The following MAEA variants were observed in gnomAD, a reference collection of about 807,000 sequenced individuals.
MAEA encodes macrophage erythroblast attacher, E3 ubiquitin ligase, also known as E3 ubiquitin-protein transferase MAEA.
A neutral mutation model predicts 46.2 loss-of-function variants in MAEA; 22 were observed. The observed-to-expected ratio is 0.48, with a 90% CI of 0.34 to 0.68. MAEA has a LOEUF of 0.68. Ranked by LOEUF, MAEA falls within the 30% of genes least tolerant of loss-of-function variation. The pLI is 0.01. For synonymous variants in MAEA, 246 were observed against 222.6 expected, an observed-to-expected ratio of 1.11 and a Z score of -0.94; for missense variants, 393 against 558.1, an observed-to-expected ratio of 0.70 and a Z score of 2.98.
chr4:1,327,630 T>C lies in MAEA; in HGVS notation c.583T>C (p.Cys195Arg). The C allele has an allele frequency of 6.2e-7, 1 of 1,613,642 alleles. No homozygotes were observed. Among genetic ancestry groups the C allele is most frequent in the Non-Finnish European group, 8.5e-7 (1 of 1,179,700 alleles). ...NKSRLRKMKS[C>R]LEFSLRIQEF... ...CTCGTCTTGTCTTTGCCCTCAGAGC[T>C]GCCTGGAGTTCAGCCTCAGAATCCA... Residue 195 changes from cysteine to arginine, a missense_variant, in exon 5 of 9, where the codon TGC becomes CGC. Coordinates refer to ENST00000303400, the MANE Select transcript of MAEA (RefSeq NM_001017405.3).
Position 1,338,441 on chromosome 4 carries a change from G to A in MAEA, c.919G>A (p.Gly307Ser), listed in dbSNP as rs879253575. ...GCTCAGACAGTGCTACAAGGAGGAC[G>A]GCAGCTCCAAGAGCCCTGACTGCCC... ...IKTPQCYKED[G>S]SSKSPDCPVC... Residue 307 changes from glycine to serine, a missense_variant, in exon 8 of 9, where the codon GGC becomes AGC. Around this residue, in one of 2 missense-constraint regions of MAEA, gnomAD observed 358 missense variants for 537.9 expected, o/e 0.67. Transcript: ENST00000303400. 4 of 1,612,658 alleles carry A rather than the reference G, an allele frequency of 2.5e-6. No individual in the cohort carries two copies. The highest frequency in any genetic ancestry group is 1.3e-5 in the African/African-American group (1 of 75,048).
Position 1,312,003 on chromosome 4 carries a change from C to G in MAEA, c.94C>G (p.Arg32Gly). 1 of 1,612,042 alleles carries G rather than the reference C, an allele frequency of 6.2e-7. No individual in the cohort carries two copies. Among genetic ancestry groups the G allele is most frequent in the Non-Finnish European group, 8.5e-7 (1 of 1,178,362 alleles). ...GGTGCCCTACGAGACGCTGAACAAACGCTTTCGCGCCGCTCAGAAGAACAT... is the reference window on the plus strand; with the variant it reads ...GGTGCCCTACGAGACGCTGAACAAAGGCTTTCGCGCCGCTCAGAAGAACAT... ...LKVPYETLNK[R>G]FRAAQKNIDR... Residue 32 changes from arginine to glycine, a missense_variant, in exon 2 of 9, where the codon CGC becomes GGC. By Grantham distance (125) the Arg-to-Gly change is moderately radical. This residue lies in a region of MAEA where 358 missense variants were observed against 537.9 expected (regional missense o/e 0.67). Transcript: ENST00000303400.
At chr4:1,334,765 C>A in intron 6 of MAEA, 1 of 582,274 alleles carries the variant, frequency 1.7e-6, no homozygotes, top group Non-Finnish European at 2.2e-6. Flanking sequence ...GCATTTTGTT[C>A]AGAGAATGGC....
At chr4:1,297,070 G>A (rs981674282) in intron 1 of MAEA, among the ~76,000 whole-genome samples, 2 of 152,200 alleles carry the variant, frequency 1.3e-5, no homozygotes, top group South Asian at 2.1e-4. Flanking sequence ...ATGTCTGGAA[G>A]GCAGTTCAAA....
At chr4:1,305,646 G>GC (rs1735754696) in intron 1 of MAEA, among the ~76,000 whole-genome samples, 1 of 152,200 alleles carries the variant, frequency 6.6e-6, no homozygotes, top group Admixed American at 6.5e-5. Flanking sequence ...TGTGGTGGCG[G>GC]CCTCTTGACT....
chr4:1,306,662 T>C (rs1735865933), intron 1 of MAEA, among the ~76,000 whole-genome samples: 3 of 152,246 alleles, frequency 2.0e-5, no homozygotes. Flanking sequence ...TTAACTTTCT[T>C]ACATTGTTTT....
intron 1 of MAEA, among the ~76,000 whole-genome samples, chr4:1,298,548 G>T (rs1735006779): frequency 1.3e-5 from 2 of 152,220 alleles, no homozygotes. Context: ...CAGTGCTATA[G>T]TCAGGGCACC....
rs779631061 is a variant in MAEA at position 1,322,381 on chromosome 4, G to T, written c.457G>T (p.Asp153Tyr). ...TCAGGTGCTGCTTCCTTCCTCTAAG[G>T]ACCTAGTGAATATTGAGATGTTCCT... ...VKLARQSGIE[D>Y]LVNIEMFLTA... is the part of the protein sequence containing the mutation. Residue 153 changes from aspartate (D) to tyrosine (Y), a missense_variant and splice_region_variant, in exon 4 of 9, where the codon GAC (aspartate) becomes TAC (tyrosine). Physicochemically the swap from Asp to Tyr is radical, Grantham distance 160. This residue lies in a region of MAEA where 358 missense variants were observed against 537.9 expected (regional missense o/e 0.67). Transcript: ENST00000303400. 2 of 1,613,820 alleles carry T rather than the reference G, an allele frequency of 1.2e-6. No individual in the cohort carries two copies. The highest frequency in any genetic ancestry group is 1.7e-6 in the Non-Finnish European group (2 of 1,179,930).
intron 5 of MAEA, chr4:1,329,388 C>G: frequency 1.0e-6 from 1 of 985,488 alleles, no homozygotes; most frequent in African/African-American, 1.7e-5. Context: ...GGGCCTCCAC[C>G]TCATAATGTC....
rs761882496 is a variant in MAEA at position 1,311,993 on chromosome 4, G to A, written c.84G>A (p.Thr28=). The A allele has an allele frequency of 6.8e-6, 11 of 1,610,008 alleles. No homozygotes were observed. The highest frequency in any genetic ancestry group is 1.7e-5 in the Admixed American group (1 of 59,916). ...EYPTLKVPYE[T]LNKRFRAAQK... is the part of the protein sequence containing the mutation. The stretch of plus-strand genomic sequence containing the variant: ...TTCCTCTCCAGGTGCCCTACGAGAC[G>A]CTGAACAAACGCTTTCGCGCCGCTC... Residue 28 remains threonine, a synonymous_variant, in exon 2 of 9, where the codon ACG becomes ACA. Transcript: ENST00000303400. This position sits in a 1 kb window ranked among gnomAD's most constrained non-coding sequence, Gnocchi z 4.4.
intron 1 of MAEA, chr4:1,309,365 G>C: frequency 8.4e-7 from 1 of 1,186,328 alleles, no homozygotes; most frequent in South Asian, 3.6e-5. Flanking sequence ...AGCCAGCCCA[G>C]GCCAGTGGAG....
Position 1,332,863 on chromosome 4 carries a change from AAGGT to A in MAEA, c.765+2_765+5del. 1 of 1,609,376 alleles carries A rather than the reference AAGGT, an allele frequency of 6.2e-7. No homozygotes were observed. The highest frequency in any genetic ancestry group is 8.5e-7 in the Non-Finnish European group (1 of 1,177,114). Reference sequence around the variant, plus strand: ...GCCCGACACGCACATCTCCCCGTACAAGGTAGGGCGTGCGTCCCTGGGGTCGGTG... The same window carrying A: ...GCCCGACACGCACATCTCCCCGTACAAGGGCGTGCGTCCCTGGGGTCGGTG... On this transcript the variant is annotated splice_donor_variant and coding_sequence_variant, in exon 6 of 9. Transcript: ENST00000303400. LOFTEE classifies it high-confidence loss of function.
In MAEA at chr4:1,311,481, G is replaced by A. The variant is rs6599300; in HGVS notation, c.70-498G>A. Among the ~76,000 whole-genome samples the A allele has an allele frequency of 0.16, 24,204 of 152,206 alleles. 3,721 individuals carry two copies. The highest frequency in any genetic ancestry group is 0.42 in the East Asian group (2,156 of 5,154). ...CAGGAGAGGTGTGGGTCGTGCACTT[G>A]TGGCTTCCCGTGCGTGTGTGAGGCT... On this transcript the variant is annotated intron_variant, in intron 1 of 8. Transcript: ENST00000303400. This position sits in a 1 kb window ranked among gnomAD's most constrained non-coding sequence, Gnocchi z 4.4.
chr4:1,303,036 A>G (rs981543660), intron 1 of MAEA, among the ~76,000 whole-genome samples: 3 of 151,930 alleles, frequency 2.0e-5, no homozygotes, highest in Non-Finnish European at 4.4e-5. Flanking sequence ...CGGAGTTACC[A>G]TAGGACCTGG....
chr4:1,303,951 T>G (rs1448602820), intron 1 of MAEA, among the ~76,000 whole-genome samples: 59 of 50,868 alleles, frequency 1.2e-3, no homozygotes, highest in South Asian at 3.5e-3. Context: ...AGGGTGGGGG[T>G]CGGGCAGGGC....
Position 1,327,709 on chromosome 4 carries a change from C to T in MAEA, c.656+6C>T, listed in dbSNP as rs1360249154. 1.2e-5 allele frequency: 20 copies of T among 1,612,880 alleles called. No individual in the cohort carries two copies. Among genetic ancestry groups the T allele is most frequent in the Non-Finnish European group, 1.1e-5 (13 of 1,179,330 alleles). On this transcript the variant is annotated splice_donor_region_variant and intron_variant, in intron 5 of 8. Coordinates refer to ENST00000303400, the MANE Select transcript of MAEA (RefSeq NM_001017405.3). ...AAGAGACTGGACGCTGTGAGGTAGG[C>T]ATTGCGGACGTGCGTCTCCTCGAGG...
At chr4:1,337,275 GT>G (rs1712899034) in intron 7 of MAEA, 2 of 459,960 alleles carry the variant, frequency 4.3e-6, no homozygotes, top group Non-Finnish European at 7.9e-6. Flanking sequence ...ATTTTGATGT[GT>G]TCTGGCAGCC....
Position 1,311,607 on chromosome 4 carries a change from G to A in MAEA, c.70-372G>A, listed in dbSNP as rs947464974. Among the ~76,000 whole-genome samples the A allele has an allele frequency of 1.3e-5, 2 of 152,140 alleles. No individual in the cohort carries two copies. The highest frequency in any genetic ancestry group is 6.5e-5 in the Admixed American group (1 of 15,280). The stretch of plus-strand genomic sequence containing the variant: ...GTGGCGCCTGCAGCCGCAGCAGCCT[G>A]GCTGATCACCGGCCAGGCCTGTGTT... On this transcript the variant is annotated intron_variant, in intron 1 of 8. Coordinates refer to ENST00000303400, the MANE Select transcript of MAEA (RefSeq NM_001017405.3). This position sits in a 1 kb window ranked among gnomAD's most constrained non-coding sequence, Gnocchi z 4.4.
intron 1 of MAEA, among the ~76,000 whole-genome samples, chr4:1,306,682 A>G (rs1366087038): frequency 1.3e-5 from 2 of 152,206 alleles, no homozygotes; most frequent in African/African-American, 4.8e-5. Flanking sequence ...TCTGAAGAGC[A>G]GAAGTTTTAA....
Sources: gnomAD v4.1 joint callset for allele counts (sites outside exome capture counted in the v4.1 genomes callset) on GRCh38, gnomAD v4.1.1 for gene constraint, gnomAD v4.1.1 regional missense constraint, Gnocchi (gnomAD v3.1) non-coding constraint, MANE v1.5 for transcripts, NCBI Gene and HGNC (gene_info 2026-07-23, HGNC 2026-07-21) for gene names.